Variants in CACNA2D3 observed in about 807,000 individuals in gnomAD.
The protein encoded by CACNA2D3 is calcium voltage-gated channel auxiliary subunit alpha2delta 3, also known as voltage-dependent calcium channel subunit alpha-2/delta-3.
In CACNA2D3, 60 loss-of-function variants were observed where a neutral mutation model predicts 160.6. The observed-to-expected ratio is 0.37, with a 90% CI of 0.30 to 0.46. CACNA2D3 has a LOEUF of 0.46. Ranked by LOEUF, CACNA2D3 falls within the 20% of genes least tolerant of loss-of-function variation. CACNA2D3 has a pLI of 1.00. For synonymous variants in CACNA2D3, 558 were observed against 492.9 expected (o/e 1.13, Z -1.75); for missense variants, 1,205 against 1,365.0 (o/e 0.88, Z 1.85).
intron 13 of CACNA2D3, among the ~76,000 whole-genome samples, chr3:54,788,095 C>T (rs779902098): frequency 2.0e-5 from 3 of 152,186 alleles, no homozygotes; most frequent in Non-Finnish European, 4.4e-5. Flanking sequence ...CATTTATATA[C>T]ATTTCCTTAT....
At chr3:54,710,650 A>G (rs550127687) in intron 11 of CACNA2D3, among the ~76,000 whole-genome samples, 54 of 152,292 alleles carry the variant, frequency 3.5e-4, no homozygotes, top group African/African-American at 1.2e-3. Flanking sequence ...AGAAGAGAAA[A>G]TGGGATTGGT....
At chr3:54,446,694 A>C (rs1327805750) in intron 4 of CACNA2D3, among the ~76,000 whole-genome samples, 1 of 152,128 alleles carries the variant, frequency 6.6e-6, no homozygotes, top group African/African-American at 2.4e-5. Context: ...AGCAAGCCTC[A>C]TGATGATGGT....
chr3:54,225,102 A>T (rs62252199), intron 2 of CACNA2D3, among the ~76,000 whole-genome samples: 1 of 150,640 alleles, frequency 6.6e-6, no homozygotes, highest in South Asian at 2.1e-4. Flanking sequence ...ATCCCTCCCC[A>T]CTCCACCCAC....
chr3:54,842,728 G>A (rs971228643), intron 16 of CACNA2D3, among the ~76,000 whole-genome samples: 1 of 151,632 alleles, frequency 6.6e-6, no homozygotes. Context: ...AGCCTCCAGA[G>A]TATCTGGGAT....
At chr3:54,438,680 A>G (rs1357536383) in intron 4 of CACNA2D3, among the ~76,000 whole-genome samples, 6 of 152,212 alleles carry the variant, frequency 3.9e-5, no homozygotes, top group Non-Finnish European at 8.8e-5. Flanking sequence ...AGCTATTATC[A>G]TTCTAAATTT....
At chr3:54,543,731 T>C (rs1328222497) in intron 5 of CACNA2D3, among the ~76,000 whole-genome samples, 1 of 152,214 alleles carries the variant, frequency 6.6e-6, no homozygotes, top group East Asian at 1.9e-4. Flanking sequence ...TTTTTAAAAA[T>C]ACTCTTGCAT....
At chr3:54,703,328 C>G (rs1700800433) in intron 11 of CACNA2D3, among the ~76,000 whole-genome samples, 1 of 152,090 alleles carries the variant, frequency 6.6e-6, no homozygotes, top group Admixed American at 6.5e-5. Context: ...ACATGTGATT[C>G]ATTTTATCCA....
At chr3:54,663,819 C>G (rs769660054) in intron 11 of CACNA2D3, among the ~76,000 whole-genome samples, 1 of 152,172 alleles carries the variant, frequency 6.6e-6, no homozygotes, top group Non-Finnish European at 1.5e-5. Context: ...GAGAGGGGGT[C>G]ATCTGCATGC....
At chr3:54,556,981 T>C (rs1055971428) in intron 5 of CACNA2D3, among the ~76,000 whole-genome samples, 1 of 136,902 alleles carries the variant, frequency 7.3e-6, no homozygotes, top group African/African-American at 2.8e-5. Flanking sequence ...TATTTAACTG[T>C]TTTTTTTTAA....
intron 11 of CACNA2D3, among the ~76,000 whole-genome samples, chr3:54,707,586 T>C (rs1359508051): frequency 6.6e-6 from 1 of 152,194 alleles, no homozygotes; most frequent in East Asian, 1.9e-4. Context: ...CTGATTCTTT[T>C]ATCTGTGGAA....
At chr3:54,469,326 T>A (rs563432263) in intron 4 of CACNA2D3, among the ~76,000 whole-genome samples, 11,487 of 152,176 alleles carry the variant, frequency 0.075, 942 homozygotes, top group African/African-American at 0.2. Flanking sequence ...GCAGACCTTT[T>A]GCAGAGGGAC....
At chr3:55,006,990 C>T (rs1387048510) in intron 32 of CACNA2D3, among the ~76,000 whole-genome samples, 1 of 152,158 alleles carries the variant, frequency 6.6e-6, no homozygotes, top group East Asian at 1.9e-4. Context: ...CGGGATTTGC[C>T]AGCGTCATTG....
intron 11 of CACNA2D3, among the ~76,000 whole-genome samples, chr3:54,739,425 CAA>C (rs780105524): frequency 3.6e-4 from 31 of 85,300 alleles, no homozygotes; most frequent in South Asian, 2.1e-3. Flanking sequence ...GACTCTGTCT[CAA>C]AAAAAAAAAA....
At chr3:54,986,149 G>A (rs1702607922) in intron 30 of CACNA2D3, among the ~76,000 whole-genome samples, 1 of 152,144 alleles carries the variant, frequency 6.6e-6, no homozygotes, top group African/African-American at 2.4e-5. Context: ...AGAGAGGAAT[G>A]ATCCCGGGGC....
intron 3 of CACNA2D3, among the ~76,000 whole-genome samples, chr3:54,371,950 A>C (rs985697714): frequency 1.3e-5 from 2 of 152,248 alleles, no homozygotes; most frequent in African/African-American, 2.4e-5. Flanking sequence ...TCTACTATAG[A>C]AATGTTAATA....
At chr3:54,906,465 G>A (rs547453809) in intron 27 of CACNA2D3, among the ~76,000 whole-genome samples, 7 of 152,238 alleles carry the variant, frequency 4.6e-5, no homozygotes, top group East Asian at 3.9e-4. Flanking sequence ...ATCATGAGAC[G>A]CAGTCTGCAG....
chr3:54,369,095 A>G (rs190948641), intron 3 of CACNA2D3, among the ~76,000 whole-genome samples: 2 of 152,240 alleles, frequency 1.3e-5, no homozygotes, highest in East Asian at 3.9e-4. Context: ...ATAGAATTGA[A>G]GTAATAACAA....
At chr3:54,456,700 A>G (rs1036706251) in intron 4 of CACNA2D3, among the ~76,000 whole-genome samples, 4 of 151,910 alleles carry the variant, frequency 2.6e-5, no homozygotes, top group African/African-American at 9.7e-5. Flanking sequence ...GTTTTTCTTT[A>G]AAAGTTGAGC....
chr3:54,522,629 G>T (rs921713418), intron 5 of CACNA2D3, among the ~76,000 whole-genome samples: 1 of 152,110 alleles, frequency 6.6e-6, no homozygotes, highest in African/African-American at 2.4e-5. Flanking sequence ...TCATGTCATT[G>T]GCATGCAACA....
Sources: gnomAD v4.1 joint callset for allele counts (sites outside exome capture counted in the v4.1 genomes callset) on GRCh38, gnomAD v4.1.1 for gene constraint, MANE v1.5 for transcripts, NCBI Gene and HGNC (gene_info 2026-07-23, HGNC 2026-07-21) for gene names.